PEX5L: variants seen among roughly 807,000 people sequenced by gnomAD.
PEX5L encodes the protein PEX5-related protein.
A neutral mutation model predicts 84.0 loss-of-function variants in PEX5L; 30 were observed. The ratio of observed to expected loss-of-function variants is 0.36; its 90% CI spans 0.27 to 0.48. PEX5L has a LOEUF of 0.48. PEX5L is among the 20% of genes least tolerant of loss of function. The pLI is 0.99. For synonymous variants in PEX5L, 270 were observed against 283.1 expected, an observed-to-expected ratio of 0.95 and a Z score of 0.46; for missense variants, 533 against 754.6, an observed-to-expected ratio of 0.71 and a Z score of 3.44.
rs112242805 is a variant in PEX5L, at chr3:179,895,210, T to C, written c.198+2932A>G. Among the ~76,000 whole-genome samples the C allele has an allele frequency of 2.2e-4, 33 of 152,214 alleles. 1 individual carries two copies. The highest frequency in any genetic ancestry group is 7.7e-4 in the African/African-American group (32 of 41,550). ...AAAATATTACCATTTCAACATATGA[T>C]CATTATAAAAATCGTTAATGTGATA... On this transcript the variant is annotated intron_variant, in intron 3 of 14. Coordinates refer to ENST00000467460, the MANE Select transcript of PEX5L (RefSeq NM_016559.3).
chr3:179,810,646 C>T (rs1723411819), intron 11 of PEX5L, among the ~76,000 whole-genome samples: 1 of 152,154 alleles, frequency 6.6e-6, no homozygotes, highest in Non-Finnish European at 1.5e-5. Flanking sequence ...GGATAAGACT[C>T]TGAGGAGCAA....
intron 4 of PEX5L, among the ~76,000 whole-genome samples, chr3:179,882,080 T>G (rs1221430133): frequency 6.6e-6 from 1 of 152,228 alleles, no homozygotes; most frequent in Non-Finnish European, 1.5e-5. Flanking sequence ...GCAAGGAGTC[T>G]AGGCCCAATG....
intron 1 of PEX5L, among the ~76,000 whole-genome samples, chr3:180,002,239 T>C (rs1365444416): frequency 6.6e-6 from 1 of 152,116 alleles, no homozygotes; most frequent in East Asian, 1.9e-4. Flanking sequence ...TTTAGTGCCA[T>C]GTGATAGATT....
Position 179,800,488 on chromosome 3 carries a change from T to G in PEX5L, c.*1340A>C, listed in dbSNP as rs1431330180. The G allele has an allele frequency of 6.6e-6, 1 of 152,186 alleles. No individual in the cohort carries two copies. 9.4% of individuals were successfully genotyped at this position (152,186 alleles called of 1,614,324 possible). ...AAAATGTTCCTAATTCTTTAAAAAA[T>G]GTATCTTTCAAAATAATCACCAAGC... On this transcript the variant is annotated 3_prime_UTR_variant, in exon 15 of 15. Coordinates refer to ENST00000467460, the MANE Select transcript of PEX5L (RefSeq NM_016559.3).
chr3:179,904,914 C>T (rs1762624189), intron 2 of PEX5L, among the ~76,000 whole-genome samples: 1 of 152,166 alleles, frequency 6.6e-6, no homozygotes, highest in African/African-American at 2.4e-5. Context: ...ATGCTGCTTC[C>T]ACCCTCCTGC....
chr3:179,966,111 G>A (rs777426528), intron 2 of PEX5L, among the ~76,000 whole-genome samples: 1 of 151,920 alleles, frequency 6.6e-6, no homozygotes, highest in African/African-American at 2.4e-5. Context: ...ATTTTTCATC[G>A]ATCAATCTTT....
At chr3:179,950,388 AG>A (rs1778764333) in intron 2 of PEX5L, among the ~76,000 whole-genome samples, 1 of 152,116 alleles carries the variant, frequency 6.6e-6, no homozygotes, top group Admixed American at 6.6e-5. Context: ...GGGGAGGGAT[AG>A]CATTAGGAGA....
intron 6 of PEX5L, 103 bp downstream of exon 6, chr3:179,875,251 A>C: frequency 9.5e-7 from 1 of 1,049,914 alleles, no homozygotes; most frequent in Non-Finnish European, 1.5e-6. Context: ...TAGGGGTTAC[A>C]TGTGATGCCA....
chr3:179,830,285 G>GCC (rs57877847), intron 8 of PEX5L, among the ~76,000 whole-genome samples: 61 of 81,332 alleles, frequency 7.5e-4, no homozygotes, highest in African/African-American at 2.2e-3. Context: ...TTCCTCCCCC[G>GCC]CCCCCCCCCT....
intron 14 of PEX5L, chr3:179,804,159 A>C (rs1290690164): frequency 1.3e-5 from 2 of 152,128 alleles, no homozygotes; most frequent in Non-Finnish European, 2.9e-5. Context: ...AACTTACCTC[A>C]TCAAACGACT....
At chr3:179,922,451 CTTTT>C (rs35332742) in intron 2 of PEX5L, among the ~76,000 whole-genome samples, 1 of 134,048 alleles carries the variant, frequency 7.5e-6, no homozygotes. Flanking sequence ...CTTTTCTTTT[CTTTT>C]TTTTTTTTTT....
intron 8 of PEX5L, among the ~76,000 whole-genome samples, chr3:179,830,151 G>C (rs1732234191): frequency 1.3e-5 from 2 of 151,932 alleles, no homozygotes; most frequent in Non-Finnish European, 2.9e-5. Context: ...TGTGGAAATA[G>C]TATTTTCCTC....
chr3:179,996,161 C>T (rs1426683627), intron 1 of PEX5L, among the ~76,000 whole-genome samples: 1 of 152,156 alleles, frequency 6.6e-6, no homozygotes, highest in African/African-American at 2.4e-5. Context: ...GCTTCTAGAC[C>T]TATAACAAGG....
chr3:179,905,583 G>A (rs1368672226), intron 2 of PEX5L, among the ~76,000 whole-genome samples: 1 of 152,136 alleles, frequency 6.6e-6, no homozygotes, highest in East Asian at 1.9e-4. Context: ...TTTTGTGGTG[G>A]TTGTTAAAAA....
At chr3:180,024,373 T>TATATATATATATATATATATATACAC (rs1396023654) in intron 1 of PEX5L, among the ~76,000 whole-genome samples, 5 of 79,018 alleles carry the variant, frequency 6.3e-5, no homozygotes, top group African/African-American at 9.6e-5. Flanking sequence ...TATATATATA[T>TATATATATATATATATATATATACAC]ACACACACAA....
intron 2 of PEX5L, among the ~76,000 whole-genome samples, chr3:179,968,882 G>A (rs979417134): frequency 1.3e-5 from 2 of 152,024 alleles, no homozygotes; most frequent in Admixed American, 6.6e-5. Flanking sequence ...TTAAAGAATA[G>A]AACCTTACAC....
chr3:179,888,162 A>G, intron 3 of PEX5L: 1 of 1,290,122 alleles, frequency 7.8e-7, no homozygotes, highest in South Asian at 1.2e-5. Flanking sequence ...GTGGCTTCAG[A>G]CTCAAAGATG....
Position 179,808,386 on chromosome 3 carries a change from AT to A in PEX5L, c.1403del (p.Asn468MetfsTer4). 1.3e-6 allele frequency: 2 copies of A among 1,585,696 alleles called. No homozygotes were observed. Among genetic ancestry groups the A allele is most frequent in the East Asian group, 2.3e-5 (1 of 43,728 alleles). On this transcript the variant is annotated frameshift_variant, in exon 13 of 15. Coordinates refer to ENST00000467460, the MANE Select transcript of PEX5L (RefSeq NM_016559.3). LOFTEE classifies it high-confidence loss of function. Reference protein sequence around the residue: ...KELYLEAAHQNGDMIDPDLQT... With the variant: ...KELYLEAAHQXGDMIDPDLQT... ...GCAGGTCTGGGTCGATCATATCTCC[AT>A]TTTGGTGGGCAGCTTCCAGATATAA...
chr3:179,906,114 G>A (rs1170335995), intron 2 of PEX5L, among the ~76,000 whole-genome samples: 6 of 152,082 alleles, frequency 3.9e-5, no homozygotes, highest in South Asian at 4.2e-4. Flanking sequence ...AACTTGCTCC[G>A]AAGGACAGAT....
Sources: gnomAD v4.1 joint callset for allele counts (sites outside exome capture counted in the v4.1 genomes callset) on GRCh38, gnomAD v4.1.1 for gene constraint, MANE v1.5 for transcripts, NCBI Gene and HGNC (gene_info 2026-07-23, HGNC 2026-07-21) for gene names.